Variants in DIAPH2 observed in about 807,000 individuals in gnomAD.
DIAPH2 encodes the protein diaphanous related formin 2, also known as protein diaphanous homolog 2.
DIAPH2 carries 35 observed loss-of-function variants against 92.7 expected under a neutral mutation model. The observed-to-expected ratio is 0.38, with a 90% confidence interval of 0.29 to 0.50. The LOEUF is 0.50. Ranked by LOEUF, DIAPH2 falls within the 20% of genes least tolerant of loss-of-function variation. The pLI, the probability that DIAPH2 is intolerant of heterozygous loss-of-function variation, is 0.94. For missense variants in DIAPH2, 701 were observed against 819.5 expected, an observed-to-expected ratio of 0.86 and a Z score of 1.77; for synonymous variants, 301 against 280.4, an observed-to-expected ratio of 1.07 and a Z score of -0.73.
chrX:97,417,605 G>T (rs939082689), intron 25 of DIAPH2, among the ~76,000 whole-genome samples: 1 of 111,555 alleles, frequency 9.0e-6, no homozygotes, highest in Non-Finnish European at 1.9e-5. Flanking sequence ...AACCCAGGAG[G>T]CACAGGCCAC....
chrX:97,444,256 A>G (rs1373218352), intron 26 of DIAPH2, among the ~76,000 whole-genome samples: 1 of 106,493 alleles, frequency 9.4e-6, no homozygotes, highest in Non-Finnish European at 1.9e-5. Flanking sequence ...GATACAGTAT[A>G]CCACAAGCAA....
intron 26 of DIAPH2, among the ~76,000 whole-genome samples, chrX:97,529,944 G>A (rs1401454425): frequency 8.9e-6 from 1 of 112,151 alleles, no homozygotes; most frequent in Admixed American, 9.4e-5. Context: ...TCTGTTTGAA[G>A]GCATTGGAAA....
intron 19 of DIAPH2, among the ~76,000 whole-genome samples, chrX:97,079,303 A>C (rs1024913012): frequency 9.0e-6 from 1 of 111,670 alleles, no homozygotes; most frequent in African/African-American, 3.3e-5. Flanking sequence ...GCTGCAGTAC[A>C]TCAGATGGCT....
intron 26 of DIAPH2, among the ~76,000 whole-genome samples, chrX:97,532,557 TAAG>T (rs773200559): frequency 8.9e-6 from 1 of 112,323 alleles, no homozygotes; most frequent in South Asian, 3.6e-4. Flanking sequence ...AAGCAACTAT[TAAG>T]AATGGGAAAG....
intron 26 of DIAPH2, among the ~76,000 whole-genome samples, chrX:97,475,686 A>AT: frequency 8.9e-6 from 1 of 112,255 alleles, no homozygotes; most frequent in Non-Finnish European, 1.9e-5. Context: ...TTCTCCAAGC[A>AT]TGCTAAGAAT....
chrX:96,909,843 G>T (rs141363108), intron 5 of DIAPH2, among the ~76,000 whole-genome samples: 1 of 110,033 alleles, frequency 9.1e-6, no homozygotes, highest in Non-Finnish European at 1.9e-5. Flanking sequence ...ATGTGTGGGC[G>T]ACTGATTTCA....
At chrX:97,575,577 T>C (rs1421356785) in intron 26 of DIAPH2, among the ~76,000 whole-genome samples, 5 of 112,030 alleles carry the variant, frequency 4.5e-5, no homozygotes, top group African/African-American at 1.6e-4. Context: ...ACTTATAAGA[T>C]GGCTCTAATC....
chrX:97,413,482 G>A (rs950895055), intron 25 of DIAPH2, among the ~76,000 whole-genome samples: 3 of 111,157 alleles, frequency 2.7e-5, no homozygotes, highest in African/African-American at 9.8e-5. Context: ...CATTCCCTTT[G>A]AAAACTGGCA....
At chrX:97,166,741 A>T (rs773349631) in intron 22 of DIAPH2, among the ~76,000 whole-genome samples, 1 of 111,854 alleles carries the variant, frequency 8.9e-6, no homozygotes, top group Non-Finnish European at 1.9e-5. Context: ...GCACCCAGCT[A>T]AAGAAATACA....
chrX:96,782,090 A>T, intron 4 of DIAPH2, among the ~76,000 whole-genome samples: 1 of 111,131 alleles, frequency 9.0e-6, no homozygotes, highest in East Asian at 2.8e-4. Context: ...TTTATTCTAA[A>T]TATTTTATTT....
chrX:96,962,284 TAC>T (rs1176040418), intron 16 of DIAPH2, among the ~76,000 whole-genome samples: 7 of 73,571 alleles, frequency 9.5e-5, no homozygotes, highest in Admixed American at 7.9e-4. Flanking sequence ...CATATATATA[TAC>T]ATATATATAT....
At position 97,322,554 on chromosome X, in the gene DIAPH2, G is replaced by C. The variant is rs1214741419; in HGVS notation, c.2845-25562G>C. Among the ~76,000 whole-genome samples the C allele has an allele frequency of 4.5e-5, 5 of 111,448 alleles. No homozygotes were observed. The Admixed American group carries it at 4.8e-4, about 11-fold the overall frequency. On this transcript the variant is annotated intron_variant, in intron 23 of 26. Coordinates refer to ENST00000324765, the MANE Select transcript of DIAPH2 (RefSeq NM_006729.5). Reference sequence around the variant, plus strand: ...CCTGAAGCACAAAAATTACATGTGTGTGCCTGAAGGCATACACAAAGAAAA... The same window carrying C: ...CCTGAAGCACAAAAATTACATGTGTCTGCCTGAAGGCATACACAAAGAAAA...
At chrX:96,949,938 A>G (rs2065763983) in intron 15 of DIAPH2, among the ~76,000 whole-genome samples, 1 of 110,358 alleles carries the variant, frequency 9.1e-6, no homozygotes, top group Admixed American at 9.7e-5. Flanking sequence ...TTGTTGATTG[A>G]CTAGGTCTGT....
chrX:96,976,165 C>T lies in DIAPH2; in HGVS notation c.2050+10958C>T, dbSNP rs751034289. ...TAGCTGGGACTATAAGTGTGCACCA[C>T]GATACCTGGCTAATTTTTTGTATTT... is the stretch of plus-strand genomic sequence containing the variant. On this transcript the variant is annotated intron_variant, in intron 17 of 26. Transcript: ENST00000324765. 1.9e-3 allele frequency among the ~76,000 whole-genome samples: 210 copies of T among 109,709 alleles called. 1 individual carries two copies. Among genetic ancestry groups the T allele is most frequent in the African/African-American group, 6.3e-3 (190 of 30,107 alleles).
intron 23 of DIAPH2, among the ~76,000 whole-genome samples, chrX:97,317,099 A>G (rs749463159): frequency 8.9e-6 from 1 of 112,480 alleles, no homozygotes; most frequent in East Asian, 2.8e-4. Context: ...TTGAACCAGA[A>G]GGATTACTGA....
intron 5 of DIAPH2, among the ~76,000 whole-genome samples, chrX:96,902,757 G>T (rs1043688594): frequency 1.8e-5 from 2 of 110,717 alleles, no homozygotes; most frequent in Non-Finnish European, 3.8e-5. Context: ...TAATCTCCAC[G>T]GTATCTTTCT....
At chrX:97,384,738 C>A (rs1017858072) in intron 25 of DIAPH2, among the ~76,000 whole-genome samples, 2 of 109,959 alleles carry the variant, frequency 1.8e-5, no homozygotes, top group Non-Finnish European at 3.8e-5. Flanking sequence ...TGGTGGCAGG[C>A]GCCTGTAATC....
chrX:96,862,104 T>TA (rs1241897434), intron 4 of DIAPH2, among the ~76,000 whole-genome samples: 2 of 111,762 alleles, frequency 1.8e-5, no homozygotes, highest in Non-Finnish European at 3.8e-5. Flanking sequence ...CCTTTATACT[T>TA]ACATTACTGA....
intron 23 of DIAPH2, among the ~76,000 whole-genome samples, chrX:97,287,441 C>T (rs892849875): frequency 1.1e-4 from 12 of 111,271 alleles, no homozygotes; most frequent in African/African-American, 3.9e-4. Flanking sequence ...CTGAAAAATG[C>T]GAAGAGTCAA....
Sources: allele counts gnomAD v4.1 joint callset (sites outside exome capture counted in the v4.1 genomes callset), GRCh38; gene constraint gnomAD v4.1.1; transcripts MANE v1.5; gene names NCBI Gene and HGNC (gene_info 2026-07-23, HGNC 2026-07-21).